Variants in HP1BP3 observed in about 807,000 individuals in gnomAD.
The protein encoded by HP1BP3 is heterochromatin protein 1 binding protein 3.
In HP1BP3, 12 loss-of-function variants were observed where a neutral mutation model predicts 62.5. The observed-to-expected ratio is 0.19, with a 90% CI of 0.12 to 0.31. The LOEUF (loss-of-function observed/expected upper bound fraction) is 0.31, where lower values mean the gene tolerates loss of function less well. HP1BP3 is among the 10% of genes least tolerant of loss of function. HP1BP3 has a pLI of 1.00. For missense variants in HP1BP3, 502 were observed against 651.8 expected (o/e 0.77, Z 2.50); for synonymous variants, 260 against 237.8 (o/e 1.09, Z -0.86).
At chr1:20,784,365 G>C (rs980561905) in intron 1 of HP1BP3, among the ~76,000 whole-genome samples, 1 of 151,932 alleles carries the variant, frequency 6.6e-6, no homozygotes, top group Non-Finnish European at 1.5e-5. Context: ...TTATCTACCT[G>C]GTTCATTTGC....
intron 1 of HP1BP3, among the ~76,000 whole-genome samples, chr1:20,782,538 C>T (rs996246227): frequency 2.0e-5 from 3 of 150,976 alleles, no homozygotes; most frequent in Non-Finnish European, 2.9e-5. Flanking sequence ...AACCTGAAAT[C>T]GAGCCACTGC....
At chr1:20,781,217 C>G (rs564255052) in intron 1 of HP1BP3, among the ~76,000 whole-genome samples, 1 of 152,216 alleles carries the variant, frequency 6.6e-6, no homozygotes, top group East Asian at 1.9e-4. Flanking sequence ...CCCCCTCTTC[C>G]CCAAAAATCT....
intron 1 of HP1BP3, among the ~76,000 whole-genome samples, chr1:20,781,505 A>T (rs1468721479): frequency 6.6e-6 from 1 of 152,260 alleles, no homozygotes; most frequent in Non-Finnish European, 1.5e-5. Flanking sequence ...GGGAACACCA[A>T]GAACAATACC....
chr1:20,744,649 A>G lies in HP1BP3; in HGVS notation c.*148T>C. The G allele has an allele frequency of 1.4e-6, 1 of 725,274 alleles. No individual in the cohort carries two copies. Among genetic ancestry groups the G allele is most frequent in the Non-Finnish European group, 2.2e-6 (1 of 451,716 alleles). 44.9% of individuals were successfully genotyped at this position (725,274 alleles called of 1,614,324 possible). On this transcript the variant is annotated 3_prime_UTR_variant, in exon 13 of 13. Transcript: ENST00000438032. ...AAGCACCTAAAGCTAGCAAATGCCTAAACTGGTTTATTTAGAGTCCCTCCC... is the reference window on the plus strand; with the variant it reads ...AAGCACCTAAAGCTAGCAAATGCCTGAACTGGTTTATTTAGAGTCCCTCCC...
chr1:20,784,528 G>A (rs1214260051), intron 1 of HP1BP3, among the ~76,000 whole-genome samples: 2 of 147,224 alleles, frequency 1.4e-5, no homozygotes, highest in Non-Finnish European at 3.0e-5. Context: ...GCCCAGGCTG[G>A]AGTGCGGTGG....
chr1:20,769,942 TTAACAAGACTCTAGGAA>T (rs1420938798), intron 6 of HP1BP3, among the ~76,000 whole-genome samples: 1 of 152,166 alleles, frequency 6.6e-6, no homozygotes, highest in Non-Finnish European at 1.5e-5. Context: ...TAGAAAAAAC[TTAACAAGACTCTAGGAA>T]TGGGGTGAAC....
chr1:20,755,387 C>T (rs772616588), intron 9 of HP1BP3: 5 of 452,872 alleles, frequency 1.1e-5, no homozygotes, highest in South Asian at 7.8e-5. Flanking sequence ...GCCTGGGCAA[C>T]ACGGCGAAAC....
Position 20,765,475 on chromosome 1 carries a change from T to C in HP1BP3, c.792A>G (p.Pro264=), listed in dbSNP as rs781741681. The C allele has an allele frequency of 2.4e-5, 39 of 1,613,446 alleles. No homozygotes were observed. In the Admixed American group the frequency reaches 3.0e-4, roughly 12 times the overall value. Residue 264 remains proline (P), a synonymous_variant, in exon 8 of 13, where the codon CCA becomes CCG. Transcript: ENST00000438032. The stretch of plus-strand genomic sequence containing the variant: ...GTTCACAAAGGCGAGTAAAGGCCAG[T>C]GGGAGGACATCCTCCAATTTTACTT... The part of the protein sequence containing the change: ...EPQVKLEDVL[P]LAFTRLCEPK...
chr1:20,767,720 G>C (rs903601510), intron 6 of HP1BP3, 56 bp from the exon 7 acceptor site: 2 of 1,082,778 alleles, frequency 1.8e-6, no homozygotes, highest in Non-Finnish European at 2.8e-6. Flanking sequence ...GTAGGCTAAG[G>C]AAATTACAGG....
At position 20,780,332 on chromosome 1, in the gene HP1BP3, T is replaced by C. The variant is rs756516851; in HGVS notation, c.96+13A>G. ...GATCCAAGAGTGAGCTTCAAGAATG[T>C]GTCAGCCCCTACCTCACCTAACTTG... On this transcript the variant is annotated intron_variant, in intron 2 of 12. Coordinates refer to ENST00000438032, the MANE Select transcript of HP1BP3 (RefSeq NM_001372052.1). The C allele has an allele frequency of 5.7e-6, 9 of 1,590,300 alleles. No individual in the cohort carries two copies. The East Asian group carries it at 6.7e-5, about 12-fold the overall frequency.
chr1:20,775,312 T>C (rs138018037), intron 4 of HP1BP3: 1 of 152,034 alleles, frequency 6.6e-6, no homozygotes. Context: ...TGTGTGTATG[T>C]GTCTTAGTTT....
chr1:20,784,532 G>A lies in HP1BP3; in HGVS notation c.-101+2663C>T, dbSNP rs904679333. 4.2e-5 allele frequency among the ~76,000 whole-genome samples: 6 copies of A among 144,334 alleles called. No individual in the cohort carries two copies. In the Admixed American group the frequency reaches 4.3e-4, roughly 10 times the overall value. 94.7% of individuals were successfully genotyped at this position (144,334 alleles called of 152,430 possible). ...CTTGCTCTGTCGCCCAGGCTGGAGT[G>A]CGGTGGCGCGATCTCGGCTCACTGC... On this transcript the variant is annotated intron_variant, in intron 1 of 12. Transcript: ENST00000438032.
intron 7 of HP1BP3, among the ~76,000 whole-genome samples, chr1:20,765,971 AAAAAAAAAC>A (rs2056762275): frequency 1.3e-5 from 2 of 151,326 alleles, no homozygotes; most frequent in African/African-American, 4.9e-5. Context: ...TCTCAAAAAA[AAAAAAAAAC>A]AAAAAAAACA....
chr1:20,751,153 T>A (rs1283211296), intron 9 of HP1BP3, among the ~76,000 whole-genome samples: 1 of 152,076 alleles, frequency 6.6e-6, no homozygotes, highest in Non-Finnish European at 1.5e-5. Flanking sequence ...TCAATAACAT[T>A]TTCTTTTCTC....
At position 20,767,578 on chromosome 1, in the gene HP1BP3, T is replaced by A. The variant is rs202102765; in HGVS notation, c.735+6A>T. 1 of 1,590,058 alleles carries A rather than the reference T, an allele frequency of 6.3e-7. No individual in the cohort carries two copies. The highest frequency in any genetic ancestry group is 2.2e-5 in the East Asian group (1 of 44,772). On this transcript the variant is annotated splice_donor_region_variant and intron_variant, in intron 7 of 12. Coordinates refer to ENST00000438032, the MANE Select transcript of HP1BP3 (RefSeq NM_001372052.1). The stretch of plus-strand genomic sequence containing the variant: ...CAGCACTCAAACTGTGGTATAGATG[T>A]CTTACCTTTCTGTTTCTGGATTTCT...
chr1:20,784,448 G>A (rs2057720786), intron 1 of HP1BP3, among the ~76,000 whole-genome samples: 1 of 148,232 alleles, frequency 6.7e-6, no homozygotes. Flanking sequence ...ACTAAAGGAT[G>A]AACAAATAAA....
intron 1 of HP1BP3, among the ~76,000 whole-genome samples, chr1:20,781,463 T>C (rs1034222523): frequency 1.3e-5 from 2 of 152,166 alleles, no homozygotes; most frequent in African/African-American, 4.8e-5. Context: ...ACAAAGAGGA[T>C]GCATTCACAC....
intron 6 of HP1BP3, among the ~76,000 whole-genome samples, chr1:20,768,815 G>A (rs1008991235): frequency 1.3e-5 from 2 of 151,572 alleles, no homozygotes; most frequent in Admixed American, 6.6e-5. Flanking sequence ...GTAACAGAGC[G>A]AGACTCCATC....
At chr1:20,771,602 G>A (rs910120597) in intron 5 of HP1BP3, among the ~76,000 whole-genome samples, 9 of 152,168 alleles carry the variant, frequency 5.9e-5, no homozygotes, top group African/African-American at 1.9e-4. Flanking sequence ...AATAGTGAAG[G>A]TGTTCTATTT....
Sources: gnomAD v4.1 joint callset for allele counts (sites outside exome capture counted in the v4.1 genomes callset) on GRCh38, gnomAD v4.1.1 for gene constraint, MANE v1.5 for transcripts, NCBI Gene and HGNC (gene_info 2026-07-23, HGNC 2026-07-21) for gene names.